Variants in PXDNL observed in about 807,000 individuals in gnomAD.
PXDNL encodes peroxidasin like, also known as probable oxidoreductase PXDNL.
A neutral mutation model predicts 150.8 loss-of-function variants in PXDNL; 145 were observed. The observed-to-expected ratio is 0.96, with a 90% CI of 0.84 to 1.10. The LOEUF (loss-of-function observed/expected upper bound fraction) is 1.10. Among genes scored for constraint, PXDNL ranks in the 50% least tolerant of loss-of-function variants. The probability of loss-of-function intolerance (pLI) is 0.00; values close to 1 mark genes in which losing one functional copy is unlikely to be tolerated. For missense variants in PXDNL, 2,087 were observed against 1,873.9 expected (o/e 1.11, Z -2.10); for synonymous variants, 757 against 725.7 (o/e 1.04, Z -0.69).
At chr8:51,354,935 T>A (rs1290722623) in intron 19 of PXDNL, among the ~76,000 whole-genome samples, 1 of 96,598 alleles carries the variant, frequency 1.0e-5, no homozygotes, top group East Asian at 4.9e-4. Context: ...CTGTTTTGTA[T>A]CATTTCAGGG....
Position 51,411,332 on chromosome 8 carries a change from T to TC in PXDNL, c.1979dup (p.Ala661SerfsTer6). ...GCGTGTGCTCAAAAATCTCCCCTGC[T>TC]CTTGCCATTTCCACAATCAGTGGGT... On this transcript the variant is annotated frameshift_variant, in exon 16 of 23. Transcript: ENST00000356297. LOFTEE classifies it high-confidence loss of function. 1 of 1,591,076 alleles carries TC rather than the reference T, an allele frequency of 6.3e-7. No homozygotes were observed. Among genetic ancestry groups the TC allele is most frequent in the South Asian group, 1.2e-5 (1 of 86,872 alleles).
intron 3 of PXDNL, among the ~76,000 whole-genome samples, chr8:51,590,802 C>A (rs1443185555): frequency 6.6e-6 from 1 of 151,996 alleles, no homozygotes; most frequent in Non-Finnish European, 1.5e-5. Flanking sequence ...CTCACCCATA[C>A]CAGATTCAGA....
intron 3 of PXDNL, among the ~76,000 whole-genome samples, chr8:51,558,922 A>T (rs1812654696): frequency 6.6e-6 from 1 of 151,986 alleles, no homozygotes; most frequent in African/African-American, 2.4e-5. Context: ...CCAAATAAAG[A>T]GACAGAAAGG....
chr8:51,655,806 CTACCTCATCT>C (rs1815137176), intron 1 of PXDNL, among the ~76,000 whole-genome samples: 1 of 152,132 alleles, frequency 6.6e-6, no homozygotes, highest in Non-Finnish European at 1.5e-5. Flanking sequence ...TCTAGGGTCA[CTACCTCATCT>C]TGTCCACTCA....
Position 51,374,663 on chromosome 8 carries a change from G to T in PXDNL, c.3626C>A (p.Thr1209Lys), listed in dbSNP as rs745604946. The change falls in exon 18 of 23, where the codon ACA becomes AAA. Residue 1209 changes from threonine (T) to lysine (K), a missense_variant. By Grantham distance (78) the Thr-to-Lys change is moderately conservative. Coordinates refer to ENST00000356297, the MANE Select transcript of PXDNL (RefSeq NM_144651.5). ...ALMVEDLIPG[T>K]RVGPTLMCLF... ...GCACATAAGTGTTGGTCCCACTCTT[G>T]TACCAGGAATCAGGTCTTCAACCAT... is the stretch of plus-strand genomic sequence containing the variant. 3 of 1,613,718 alleles carry T rather than the reference G, an allele frequency of 1.9e-6. No individual in the cohort carries two copies. Among genetic ancestry groups the T allele is most frequent in the Non-Finnish European group, 2.5e-6 (3 of 1,179,858 alleles).
At chr8:51,587,941 T>C (rs985797867) in intron 3 of PXDNL, among the ~76,000 whole-genome samples, 4 of 152,050 alleles carry the variant, frequency 2.6e-5, no homozygotes, top group Non-Finnish European at 5.9e-5. Flanking sequence ...AGAAAATAAA[T>C]AATTTAACAA....
At chr8:51,429,903 G>T (rs1809210036) in intron 12 of PXDNL, among the ~76,000 whole-genome samples, 1 of 152,010 alleles carries the variant, frequency 6.6e-6, no homozygotes, top group African/African-American at 2.4e-5. Flanking sequence ...AAATCACATG[G>T]TATATTCTAA....
chr8:51,564,785 C>T (rs1448704861), intron 3 of PXDNL, among the ~76,000 whole-genome samples: 3 of 151,890 alleles, frequency 2.0e-5, no homozygotes, highest in Non-Finnish European at 4.4e-5. Context: ...ATGCCAAAAC[C>T]ATTGGTGAAA....
intron 1 of PXDNL, among the ~76,000 whole-genome samples, chr8:51,780,745 C>T (rs1563319504): frequency 2.0e-5 from 3 of 146,954 alleles, no homozygotes; most frequent in African/African-American, 7.4e-5. Context: ...TTGCAACCTC[C>T]GTCTCCCAGG....
chr8:51,361,937 C>CAAAAAAAAAAAAAAAACAAAA (rs1806756621), intron 19 of PXDNL, among the ~76,000 whole-genome samples: 1 of 58,052 alleles, frequency 1.7e-5, no homozygotes, highest in Non-Finnish European at 2.9e-5. Flanking sequence ...GATTCCATCT[C>CAAAAAAAAAAAAAAAACAAAA]AAAAAAAAAA....
intron 4 of PXDNL, among the ~76,000 whole-genome samples, chr8:51,534,387 A>T (rs1201985387): frequency 2.6e-5 from 3 of 117,550 alleles, no homozygotes; most frequent in Admixed American, 8.2e-5. Context: ...CCAGCCGCCC[A>T]GTCCGGGAGG....
chr8:51,399,701 A>C (rs1808190037), intron 17 of PXDNL, among the ~76,000 whole-genome samples: 1 of 152,202 alleles, frequency 6.6e-6, no homozygotes, highest in Non-Finnish European at 1.5e-5. Context: ...TTGTACACTT[A>C]AAATGTGTGC....
intron 21 of PXDNL, among the ~76,000 whole-genome samples, chr8:51,324,783 C>T (rs1392488762): frequency 2.6e-5 from 4 of 151,978 alleles, no homozygotes; most frequent in African/African-American, 9.7e-5. Flanking sequence ...ATCTTGTTTC[C>T]CTTTGTGTCT....
intron 2 of PXDNL, among the ~76,000 whole-genome samples, chr8:51,614,956 A>G (rs1814100167): frequency 6.6e-6 from 1 of 152,216 alleles, no homozygotes; most frequent in South Asian, 2.1e-4. Flanking sequence ...TTGAATAAAA[A>G]CAGATATTTT....
intron 5 of PXDNL, among the ~76,000 whole-genome samples, chr8:51,487,089 G>A (rs901864295): frequency 3.0e-4 from 45 of 151,808 alleles, no homozygotes; most frequent in Non-Finnish European, 2.9e-5. Context: ...CACCGCACCC[G>A]GCCGAAAAGT....
chr8:51,472,194 G>A lies in PXDNL; in HGVS notation c.805C>T (p.His269Tyr), dbSNP rs1416048392. 7.5e-6 allele frequency: 12 copies of A among 1,605,192 alleles called. No homozygotes were observed. The East Asian group carries it at 1.3e-4, about 18-fold the overall frequency. ...GNPKPEIIWI[H>Y]NNHSLDLEDD... Reference sequence around the variant, plus strand: ...TCCATGCTCAGTATTTACTTGTTGTGTATCCAAATAATCTCAGGTTTGGGG... The same window carrying A: ...TCCATGCTCAGTATTTACTTGTTGTATATCCAAATAATCTCAGGTTTGGGG... Residue 269 changes from histidine (H) to tyrosine (Y), a missense_variant, in exon 8 of 23, where the codon CAC becomes TAC. His to Tyr is a moderately conservative substitution (Grantham distance 83, BLOSUM62 2). Transcript: ENST00000356297.
intron 17 of PXDNL, among the ~76,000 whole-genome samples, chr8:51,389,972 A>G (rs542668114): frequency 5.9e-5 from 9 of 152,250 alleles, no homozygotes; most frequent in African/African-American, 1.9e-4. Context: ...AAATGTTTAT[A>G]TATTTTAATT....
intron 4 of PXDNL, among the ~76,000 whole-genome samples, chr8:51,504,210 C>G (rs1385151248): frequency 6.6e-6 from 1 of 152,190 alleles, no homozygotes; most frequent in Non-Finnish European, 1.5e-5. Flanking sequence ...ACAAACTGGT[C>G]TGCCTACATC....
intron 6 of PXDNL, among the ~76,000 whole-genome samples, chr8:51,477,410 CG>C (rs1810504682): frequency 6.6e-6 from 1 of 152,136 alleles, no homozygotes; most frequent in Non-Finnish European, 1.5e-5. Flanking sequence ...TCAGCCTTGT[CG>C]GGAGTGAGGT....
Sources: allele counts gnomAD v4.1 joint callset (sites outside exome capture counted in the v4.1 genomes callset), GRCh38; gene constraint gnomAD v4.1.1; transcripts MANE v1.5; gene names NCBI Gene and HGNC (gene_info 2026-07-23, HGNC 2026-07-21).